EFR3A: variants seen among roughly 807,000 people sequenced by gnomAD.
EFR3A encodes the protein EFR3 homolog A.
In EFR3A, 76 loss-of-function variants were observed where a neutral mutation model predicts 104.4. The observed-to-expected ratio is 0.73, with a 90% confidence interval of 0.60 to 0.88. EFR3A has a LOEUF of 0.88. EFR3A is among the 40% of genes least tolerant of loss of function. The pLI is 0.00. For missense variants in EFR3A, 985 were observed against 1,012.5 expected (o/e 0.97, Z 0.37); for synonymous variants, 330 against 330.0 (o/e 1.00, Z 0.00).
chr8:131,912,690 T>C (rs948055272), intron 1 of EFR3A, among the ~76,000 whole-genome samples: 2 of 152,206 alleles, frequency 1.3e-5, no homozygotes, highest in Admixed American at 1.3e-4. Context: ...TTTTTACAGC[T>C]CAACATAATT....
intron 14 of EFR3A, among the ~76,000 whole-genome samples, chr8:131,981,385 T>TTTA (rs1368791437): frequency 1.3e-5 from 2 of 152,124 alleles, no homozygotes; most frequent in Non-Finnish European, 2.9e-5. Flanking sequence ...TGTTTTATAA[T>TTTA]TTAAAGTAAC....
rs753506610 is a variant in EFR3A at position 131,940,586 on chromosome 8, C to T, written c.87+11C>T. Reference sequence around the variant, plus strand: ...CCTGAAGATCCAAAAGTAATTTGATCTACATCTACTGATCCTTCTCTTTGC... The same window carrying T: ...CCTGAAGATCCAAAAGTAATTTGATTTACATCTACTGATCCTTCTCTTTGC... On this transcript the variant is annotated intron_variant, in intron 2 of 22. Transcript: ENST00000254624. The T allele has an allele frequency of 9.4e-6, 15 of 1,599,288 alleles. No individual in the cohort carries two copies. Among genetic ancestry groups the T allele is most frequent in the Non-Finnish European group, 1.3e-5 (15 of 1,172,588 alleles).
chr8:131,964,911 A>G (rs199985428), intron 8 of EFR3A, among the ~76,000 whole-genome samples: 34 of 152,236 alleles, frequency 2.2e-4, no homozygotes, highest in African/African-American at 6.0e-4. Flanking sequence ...AAATAATGCC[A>G]CATATCTACA....
At chr8:131,957,859 G>A (rs995823355) in intron 7 of EFR3A, among the ~76,000 whole-genome samples, 1 of 152,296 alleles carries the variant, frequency 6.6e-6, no homozygotes, top group Non-Finnish European at 1.5e-5. Flanking sequence ...CACTGATATT[G>A]TTGGCTGGAG....
intron 1 of EFR3A, among the ~76,000 whole-genome samples, chr8:131,923,117 A>G (rs1040076498): frequency 8.5e-5 from 13 of 152,140 alleles, no homozygotes; most frequent in African/African-American, 3.1e-4. Context: ...TTTATTGGGA[A>G]GTAATGCTGA....
intron 7 of EFR3A, among the ~76,000 whole-genome samples, chr8:131,957,960 T>G (rs192827438): frequency 6.6e-6 from 1 of 152,242 alleles, no homozygotes; most frequent in African/African-American, 2.4e-5. Flanking sequence ...TTTAAGTTTA[T>G]AGATAATTAG....
At chr8:131,943,785 A>G (rs1818284710) in intron 2 of EFR3A, among the ~76,000 whole-genome samples, 1 of 151,952 alleles carries the variant, frequency 6.6e-6, no homozygotes, top group Non-Finnish European at 1.5e-5. Flanking sequence ...GTTAAGATCT[A>G]CTGGCCTAGC....
chr8:131,943,321 G>A (rs542999092), intron 2 of EFR3A, among the ~76,000 whole-genome samples: 1 of 151,946 alleles, frequency 6.6e-6, no homozygotes, highest in Non-Finnish European at 1.5e-5. Context: ...ATTATATACC[G>A]TAAGTCAATG....
intron 18 of EFR3A, among the ~76,000 whole-genome samples, chr8:131,988,204 G>T (rs1227715492): frequency 1.3e-5 from 2 of 150,962 alleles, no homozygotes; most frequent in African/African-American, 4.9e-5. Flanking sequence ...TTTTCCCATT[G>T]CTTGAAATAA....
intron 1 of EFR3A, among the ~76,000 whole-genome samples, chr8:131,910,825 A>T (rs1338839407): frequency 1.3e-5 from 2 of 152,168 alleles, no homozygotes; most frequent in Non-Finnish European, 2.9e-5. Flanking sequence ...GATTGCAGTG[A>T]ATGAATCTTC....
chr8:131,965,340 A>C (rs187261698), intron 8 of EFR3A, among the ~76,000 whole-genome samples: 19 of 152,282 alleles, frequency 1.2e-4, no homozygotes, highest in African/African-American at 4.1e-4. Context: ...TAATATGCAG[A>C]CTCCACAAAG....
intron 10 of EFR3A, among the ~76,000 whole-genome samples, chr8:131,973,406 CT>C (rs1203003749): frequency 6.6e-6 from 1 of 151,992 alleles, no homozygotes; most frequent in Non-Finnish European, 1.5e-5. Context: ...TTCAGTGTTA[CT>C]CTTTCACTCT....
intron 1 of EFR3A, among the ~76,000 whole-genome samples, chr8:131,904,916 C>T (rs1816169726): frequency 6.6e-6 from 1 of 152,202 alleles, no homozygotes; most frequent in South Asian, 2.1e-4. Flanking sequence ...GGTTTCGGGA[C>T]CCGCCCTATT....
At chr8:131,991,817 TGGG>T (rs1241528060) in intron 18 of EFR3A, among the ~76,000 whole-genome samples, 9 of 152,030 alleles carry the variant, frequency 5.9e-5, no homozygotes, top group Non-Finnish European at 1.2e-4. Context: ...GCTAGGAAGT[TGGG>T]GGGTGAGAAG....
At chr8:131,934,461 T>A (rs1028134653) in intron 1 of EFR3A, among the ~76,000 whole-genome samples, 1 of 152,182 alleles carries the variant, frequency 6.6e-6, no homozygotes, top group Non-Finnish European at 1.5e-5. Context: ...GTGCAGTCTA[T>A]TTGACATTGG....
At chr8:132,004,419 C>T (rs1163422676) in intron 22 of EFR3A, among the ~76,000 whole-genome samples, 2 of 152,294 alleles carry the variant, frequency 1.3e-5, no homozygotes, top group Non-Finnish European at 2.9e-5. Context: ...TTGTGAACTG[C>T]TCATGCAAGG....
At position 132,011,332 on chromosome 8, in the gene EFR3A, T is replaced by C; in HGVS notation, c.*437T>C. On this transcript the variant is annotated 3_prime_UTR_variant, in exon 23 of 23. Transcript: ENST00000254624. The stretch of plus-strand genomic sequence containing the variant: ...CTGCAAAGGCAGATACATTTAAATA[T>C]ATTCCTAGTCCTGGGACTGCAAAAC... 3.0e-6 allele frequency: 3 copies of C among 987,318 alleles called. No individual in the cohort carries two copies. Among genetic ancestry groups the C allele is most frequent in the Non-Finnish European group, 3.6e-6 (3 of 831,042 alleles). The allele number at this position is 987,318 out of a possible 1,614,324, so 61.2% of individuals were successfully genotyped here. A position where few individuals can be genotyped will look rare whatever the true frequency, so the allele number is the denominator to read the frequency against.
At chr8:131,957,985 C>G (rs554851192) in intron 7 of EFR3A, among the ~76,000 whole-genome samples, 1 of 151,958 alleles carries the variant, frequency 6.6e-6, no homozygotes, top group African/African-American at 2.4e-5. Context: ...GACCTTAGCT[C>G]AAAAGTATAA....
intron 17 of EFR3A, among the ~76,000 whole-genome samples, chr8:131,986,686 G>A (rs1029587038): frequency 6.6e-6 from 1 of 151,420 alleles, no homozygotes; most frequent in African/African-American, 2.4e-5. Context: ...TCAGGAGGCT[G>A]AGGCTGGAGA....
Sources: allele counts gnomAD v4.1 joint callset (sites outside exome capture counted in the v4.1 genomes callset), GRCh38; gene constraint gnomAD v4.1.1; transcripts MANE v1.5; gene names NCBI Gene and HGNC (gene_info 2026-07-23, HGNC 2026-07-21).